CNTNAP2: variants seen among roughly 807,000 people sequenced by gnomAD.
CNTNAP2 encodes the protein contactin associated protein 2, also known as contactin-associated protein-like 2.
Under a neutral mutation model 155.2 loss-of-function variants are expected in CNTNAP2, and 98 were observed. That is an observed-to-expected ratio of 0.63 (90% CI 0.54 to 0.75). The LOEUF (loss-of-function observed/expected upper bound fraction) is 0.75. Ranked by LOEUF, CNTNAP2 falls within the 30% of genes least tolerant of loss-of-function variation. The pLI, the probability that CNTNAP2 is intolerant of heterozygous loss-of-function variation, is 0.00. For synonymous variants in CNTNAP2, 651 were observed against 631.2 expected, an observed-to-expected ratio of 1.03 and a Z score of -0.47; for missense variants, 1,727 against 1,688.1, an observed-to-expected ratio of 1.02 and a Z score of -0.40.
At chr7:147,890,569 A>G (rs535826073) in intron 13 of CNTNAP2, among the ~76,000 whole-genome samples, 16 of 152,358 alleles carry the variant, frequency 1.1e-4, no homozygotes, top group South Asian at 2.1e-4. Context: ...TATTGATAGT[A>G]GCCCAGATGT....
intron 13 of CNTNAP2, among the ~76,000 whole-genome samples, chr7:147,644,343 G>A (rs10238458): frequency 0.025 from 3,814 of 152,232 alleles, 165 homozygotes; most frequent in African/African-American, 0.087. Context: ...GAATTTGGCC[G>A]GGTGGGGTGG....
chr7:146,388,284 A>T (rs1192790827), intron 1 of CNTNAP2, among the ~76,000 whole-genome samples: 1 of 151,800 alleles, frequency 6.6e-6, no homozygotes, highest in East Asian at 1.9e-4. Flanking sequence ...AAATGCAAAA[A>T]ATTAGCTAGG....
intron 1 of CNTNAP2, among the ~76,000 whole-genome samples, chr7:146,760,933 C>A (rs1306063380): frequency 6.6e-6 from 1 of 152,158 alleles, no homozygotes; most frequent in South Asian, 2.1e-4. Flanking sequence ...ATTTACTAAC[C>A]TGTGAAGTCT....
At chr7:147,828,746 T>G (rs1798500473) in intron 13 of CNTNAP2, among the ~76,000 whole-genome samples, 1 of 152,208 alleles carries the variant, frequency 6.6e-6, no homozygotes, top group Non-Finnish European at 1.5e-5. Context: ...GTGCGTATTT[T>G]GTGAAAGAGT....
intron 15 of CNTNAP2, among the ~76,000 whole-genome samples, chr7:147,979,984 C>T (rs12667799): frequency 0.24 from 36,717 of 152,060 alleles, 5,751 homozygotes; most frequent in East Asian, 0.56. Flanking sequence ...ATAGTAGATG[C>T]TGCAGTATAT....
At chr7:147,228,394 G>T (rs895497611) in intron 8 of CNTNAP2, among the ~76,000 whole-genome samples, 1 of 152,150 alleles carries the variant, frequency 6.6e-6, no homozygotes, top group Non-Finnish European at 1.5e-5. Context: ...AATTGCTGGA[G>T]AAATTTCCCT....
chr7:147,076,720 T>C (rs1446338365), intron 4 of CNTNAP2, among the ~76,000 whole-genome samples: 3 of 152,216 alleles, frequency 2.0e-5, no homozygotes, highest in African/African-American at 4.8e-5. Flanking sequence ...CTTCTGTCAG[T>C]GTAAATTTCA....
At chr7:148,360,888 C>T (rs1798607865) in intron 21 of CNTNAP2, among the ~76,000 whole-genome samples, 1 of 151,004 alleles carries the variant, frequency 6.6e-6, no homozygotes, top group Non-Finnish European at 1.5e-5. Context: ...TGGCTCACTG[C>T]AACCTCTGCC....
intron 13 of CNTNAP2, among the ~76,000 whole-genome samples, chr7:147,671,056 C>A (rs924349059): frequency 2.0e-5 from 3 of 152,220 alleles, no homozygotes; most frequent in African/African-American, 7.2e-5. Context: ...TCGGCTCCTG[C>A]CTCCACTTAC....
chr7:146,836,309 C>T (rs1219348371), intron 2 of CNTNAP2, among the ~76,000 whole-genome samples: 10 of 152,054 alleles, frequency 6.6e-5, no homozygotes, highest in African/African-American at 2.2e-4. Flanking sequence ...TGTCCAGCTA[C>T]AAGCTTTTGT....
chr7:146,848,553 G>A (rs190937708), intron 3 of CNTNAP2, among the ~76,000 whole-genome samples: 3 of 152,202 alleles, frequency 2.0e-5, no homozygotes, highest in African/African-American at 7.2e-5. Flanking sequence ...GGAACACTAG[G>A]AAAGTGGTCT....
At chr7:147,995,383 A>C (rs1801784718) in intron 15 of CNTNAP2, among the ~76,000 whole-genome samples, 1 of 151,988 alleles carries the variant, frequency 6.6e-6, no homozygotes, top group Non-Finnish European at 1.5e-5. Flanking sequence ...ACCCTTCTCC[A>C]CACTCTTTTC....
intron 12 of CNTNAP2, among the ~76,000 whole-genome samples, chr7:147,585,310 A>G (rs55821739): frequency 1.8e-3 from 276 of 151,960 alleles, no homozygotes; most frequent in Non-Finnish European, 3.3e-3. Context: ...ACTATTTAAT[A>G]TGCTGTTCTA....
At chr7:147,026,980 G>A (rs1798933045) in intron 3 of CNTNAP2, among the ~76,000 whole-genome samples, 2 of 139,978 alleles carry the variant, frequency 1.4e-5, no homozygotes, top group Admixed American at 7.2e-5. Context: ...TACTCCAGGA[G>A]GAAAAACAAA....
At chr7:148,035,543 A>G (rs1023816861) in intron 15 of CNTNAP2, among the ~76,000 whole-genome samples, 1 of 152,168 alleles carries the variant, frequency 6.6e-6, no homozygotes, top group African/African-American at 2.4e-5. Flanking sequence ...GGTGGTACCT[A>G]TATGGTGCTT....
chr7:146,798,218 C>T (rs1802805941), intron 2 of CNTNAP2, among the ~76,000 whole-genome samples: 1 of 151,454 alleles, frequency 6.6e-6, no homozygotes, highest in Non-Finnish European at 1.5e-5. Flanking sequence ...GCAGAGGCTG[C>T]AGTGAGTGGT....
chr7:147,574,354 A>G (rs12666239), intron 12 of CNTNAP2, among the ~76,000 whole-genome samples: 103,844 of 151,830 alleles, frequency 0.68, 35,948 homozygotes, highest in African/African-American at 0.78. Context: ...TATTATTACG[A>G]GTGGGAGGGT....
chr7:148,273,269 G>T (rs1796815055), intron 21 of CNTNAP2, among the ~76,000 whole-genome samples: 1 of 152,154 alleles, frequency 6.6e-6, no homozygotes, highest in Non-Finnish European at 1.5e-5. Flanking sequence ...AATTAAAAAG[G>T]TGAAAATGCA....
intron 1 of CNTNAP2, among the ~76,000 whole-genome samples, chr7:146,207,757 G>C (rs1235389096): frequency 3.3e-5 from 5 of 149,644 alleles, no homozygotes; most frequent in Non-Finnish European, 5.9e-5. Flanking sequence ...ACCTGCTGTT[G>C]GTTTCTCCCT....
Sources: gnomAD v4.1 joint callset for allele counts (sites outside exome capture counted in the v4.1 genomes callset) on GRCh38, gnomAD v4.1.1 for gene constraint, MANE v1.5 for transcripts, NCBI Gene and HGNC (gene_info 2026-07-23, HGNC 2026-07-21) for gene names.